Variants in MYL1 observed in about 807,000 individuals in gnomAD.
MYL1 encodes myosin light chain 1.
A neutral mutation model predicts 21.8 loss-of-function variants in MYL1; 16 were observed. The ratio of observed to expected loss-of-function variants is 0.74; its 90% CI spans 0.50 to 1.12. MYL1 has a LOEUF of 1.12. MYL1 is among the 50% of genes most tolerant of loss of function. MYL1 has a pLI of 0.00. For synonymous variants in MYL1, 99 were observed against 85.2 expected (o/e 1.16, Z -0.89); for missense variants, 246 against 241.0 (o/e 1.02, Z -0.14).
chr2:210,291,642 A>G (rs990810465), intron 5 of MYL1, among the ~76,000 whole-genome samples: 8 of 152,174 alleles, frequency 5.3e-5, no homozygotes, highest in Non-Finnish European at 8.8e-5. Flanking sequence ...TCAATTAATA[A>G]TTTATCTTAC....
intron 3 of MYL1, among the ~76,000 whole-genome samples, chr2:210,295,643 C>G (rs1225212517): frequency 6.6e-6 from 1 of 151,706 alleles, no homozygotes; most frequent in Non-Finnish European, 1.5e-5. Flanking sequence ...GAGACCCTAT[C>G]GCAAATAAAT....
intron 1 of MYL1, among the ~76,000 whole-genome samples, chr2:210,312,621 A>T (rs895290390): frequency 2.6e-5 from 4 of 151,948 alleles, no homozygotes; most frequent in Non-Finnish European, 5.9e-5. Context: ...TAATGAATGC[A>T]AAGCATTGAA....
chr2:210,293,136 T>G (rs1690106780), intron 5 of MYL1, among the ~76,000 whole-genome samples: 1 of 152,234 alleles, frequency 6.6e-6, no homozygotes, highest in Non-Finnish European at 1.5e-5. Flanking sequence ...TAAAAAATTT[T>G]TAAATTTGTA....
At chr2:210,311,544 A>T (rs1690420136) in intron 1 of MYL1, among the ~76,000 whole-genome samples, 1 of 151,916 alleles carries the variant, frequency 6.6e-6, no homozygotes, top group Admixed American at 6.6e-5. Context: ...GAGAATTAAA[A>T]CTCAAACAGC....
intron 1 of MYL1, among the ~76,000 whole-genome samples, chr2:210,306,677 C>G (rs536090742): frequency 1.3e-5 from 2 of 151,162 alleles, no homozygotes; most frequent in East Asian, 3.9e-4. Flanking sequence ...AGATTCTGTG[C>G]TCATAGAATA....
intron 1 of MYL1, chr2:210,302,969 A>G: frequency 3.3e-6 from 2 of 611,032 alleles, no homozygotes; most frequent in Non-Finnish European, 5.8e-6. Flanking sequence ...ATTGCAAAAG[A>G]TAATTAGGGA....
chr2:210,307,975 C>T (rs1690361178), intron 1 of MYL1, among the ~76,000 whole-genome samples: 1 of 151,994 alleles, frequency 6.6e-6, no homozygotes, highest in Non-Finnish European at 1.5e-5. Context: ...AGAAGAAGAG[C>T]TATAATTAAA....
intron 1 of MYL1, among the ~76,000 whole-genome samples, chr2:210,305,815 C>T (rs531684691): frequency 5.6e-4 from 85 of 152,076 alleles, no homozygotes; most frequent in East Asian, 3.9e-4. Flanking sequence ...AATCCTAGCA[C>T]TTTGGGAGGC....
chr2:210,304,794 C>T (rs1254631651), intron 1 of MYL1, among the ~76,000 whole-genome samples: 3 of 152,174 alleles, frequency 2.0e-5, no homozygotes, highest in African/African-American at 7.2e-5. Context: ...CATCATCCTG[C>T]CCATTGTTGA....
intron 1 of MYL1, among the ~76,000 whole-genome samples, chr2:210,309,477 A>G (rs781297406): frequency 3.3e-5 from 5 of 152,106 alleles, no homozygotes; most frequent in Admixed American, 6.6e-5. Context: ...CAGAATAGCC[A>G]GAATTTATCA....
chr2:210,304,137 G>T lies in MYL1; in HGVS notation c.133-1622C>A, dbSNP rs186524479. 3.7e-4 allele frequency among the ~76,000 whole-genome samples: 56 copies of T among 152,234 alleles called. No homozygotes were observed. The East Asian group carries it at 4.8e-3, about 13-fold the overall frequency. On this transcript the variant is annotated intron_variant, in intron 1 of 6. Coordinates refer to ENST00000352451, the MANE Select transcript of MYL1 (RefSeq NM_079420.3). ...GCACATTCTGCATGTTTCTTAGAGC[G>T]CACCCAAGTGACAATCTGGTCAGGT...
In MYL1 at chr2:210,291,054, A is replaced by T. The variant is rs372225011; in HGVS notation, c.577T>A (p.Ser193Thr). ...NYEAFVKHIMSI is the reference protein window; with the variant it reads ...NYEAFVKHIMTI ...TACCTTGAGAGCTCCATTCAGATAG[A>T]CATGATGTGCTTGACAAAAGCTGTA... The change falls in exon 6 of 7, where the codon TCT becomes ACT. Residue 193 changes from serine to threonine, a missense_variant. By Grantham distance (58) the Ser-to-Thr change is moderately conservative. Coordinates refer to ENST00000352451, the MANE Select transcript of MYL1 (RefSeq NM_079420.3). 1 of 1,609,702 alleles carries T rather than the reference A, an allele frequency of 6.2e-7. No homozygotes were observed. The highest frequency in any genetic ancestry group is 1.7e-5 in the Admixed American group (1 of 59,860).
At chr2:210,298,849 G>GCCTGGAAA (rs935981635) in intron 2 of MYL1, among the ~76,000 whole-genome samples, 2 of 152,078 alleles carry the variant, frequency 1.3e-5, no homozygotes, top group African/African-American at 4.8e-5. Context: ...TCCTTTACCT[G>GCCTGGAAA]CCTGGAAACC....
rs564470289 is a variant in MYL1, at chr2:210,315,167, A to G, written c.-125T>C. Reference sequence around the variant, plus strand: ...AGCCCAGTGTCTTGAAGATGGACCCAGAGTGTTAAACGGCATAAGGGCATG... The same window carrying G: ...AGCCCAGTGTCTTGAAGATGGACCCGGAGTGTTAAACGGCATAAGGGCATG... On this transcript the variant is annotated 5_prime_UTR_variant, in exon 1 of 7. Coordinates refer to ENST00000352451, the MANE Select transcript of MYL1 (RefSeq NM_079420.3). 1,126 of 1,168,168 alleles carry G rather than the reference A, an allele frequency of 9.6e-4. 3 individuals are homozygous for G. The highest frequency in any genetic ancestry group is 4.7e-3 in the East Asian group (199 of 42,746). 72.4% of individuals were successfully genotyped at this position (1,168,168 alleles called of 1,614,324 possible).
intron 2 of MYL1, among the ~76,000 whole-genome samples, chr2:210,301,076 G>T (rs1690258636): frequency 2.6e-5 from 4 of 152,060 alleles, no homozygotes; most frequent in Admixed American, 1.3e-4. Context: ...TCCTTGCAAG[G>T]GTTTTTAAGT....
chr2:210,309,418 A>C (rs1436907351), intron 1 of MYL1, among the ~76,000 whole-genome samples: 2 of 152,052 alleles, frequency 1.3e-5, no homozygotes, highest in Non-Finnish European at 2.9e-5. Context: ...TTATATCTTT[A>C]GGGATACTTT....
At chr2:210,298,279 A>G in intron 3 of MYL1, 141 bp downstream of exon 3, 1 of 987,908 alleles carries the variant, frequency 1.0e-6, no homozygotes, top group East Asian at 2.5e-5. Context: ...ATTATGTGAA[A>G]CATTTTTAAA....
intron 1 of MYL1, chr2:210,303,698 G>T: frequency 9.4e-7 from 1 of 1,059,090 alleles, no homozygotes; most frequent in Non-Finnish European, 1.3e-6. Context: ...GAGATAAGTT[G>T]CCACACCCCT....
At chr2:210,294,561 A>G (rs1690143392) in intron 3 of MYL1, 143 bp from the exon 4 acceptor site, 1 of 733,224 alleles carries the variant, frequency 1.4e-6, no homozygotes, top group African/African-American at 1.8e-5. Flanking sequence ...TAAAATATCA[A>G]GAATATGGTA....
Sources: allele counts gnomAD v4.1 joint callset (sites outside exome capture counted in the v4.1 genomes callset), GRCh38; gene constraint gnomAD v4.1.1; transcripts MANE v1.5; gene names NCBI Gene and HGNC (gene_info 2026-07-23, HGNC 2026-07-21).